DEPTOR: variants seen among roughly 807,000 people sequenced by gnomAD.
DEPTOR encodes DEP domain-containing mTOR-interacting protein.
In DEPTOR, 41 loss-of-function variants were observed where a neutral mutation model predicts 41.6. That is an observed-to-expected ratio of 0.98 (90% CI 0.77 to 1.28). The LOEUF is 1.28. Ranked by LOEUF, DEPTOR falls within the 50% of genes most tolerant of loss-of-function variation. DEPTOR has a pLI of 0.00. For synonymous variants in DEPTOR, 195 were observed against 192.3 expected, an observed-to-expected ratio of 1.01 and a Z score of -0.12; for missense variants, 514 against 527.9, an observed-to-expected ratio of 0.97 and a Z score of 0.26.
rs769960283 is a variant in DEPTOR, at chr8:119,923,893, C to CT, written c.123-4495dup. On this transcript the variant is annotated intron_variant, in intron 1 of 8. Coordinates refer to ENST00000286234, the MANE Select transcript of DEPTOR (RefSeq NM_022783.4). ...TTTTCCTTTCTTTTCTTTTTTCTTT[C>CT]TTTTTTTTTTTTGGTATTATTTTTG... Among the ~76,000 whole-genome samples the CT allele has an allele frequency of 2.0e-3, 206 of 104,978 alleles. 3 individuals are homozygous for CT. Among genetic ancestry groups the CT allele is most frequent in the Middle Eastern group, 7.0e-3 (1 of 142 alleles). 68.9% of individuals were successfully genotyped at this position (104,978 alleles called of 152,430 possible).
intron 8 of DEPTOR, among the ~76,000 whole-genome samples, chr8:120,034,831 A>G (rs1265090186): frequency 6.6e-6 from 1 of 152,138 alleles, no homozygotes; most frequent in Non-Finnish European, 1.5e-5. Flanking sequence ...CCTTTTTGGC[A>G]TAATCCGGAA....
chr8:119,909,467 G>A (rs371830856), intron 1 of DEPTOR, among the ~76,000 whole-genome samples: 1 of 152,140 alleles, frequency 6.6e-6, no homozygotes, highest in Non-Finnish European at 1.5e-5. Flanking sequence ...CTTTATATAG[G>A]CATCAGCAGG....
At chr8:120,027,477 G>A (rs941725923) in intron 8 of DEPTOR, among the ~76,000 whole-genome samples, 1 of 151,504 alleles carries the variant, frequency 6.6e-6, no homozygotes, top group Non-Finnish European at 1.5e-5. Flanking sequence ...GGGAGAGGCG[G>A]GTGGATCACC....
intron 8 of DEPTOR, among the ~76,000 whole-genome samples, chr8:120,037,682 G>A (rs982562470): frequency 6.6e-6 from 1 of 152,130 alleles, no homozygotes; most frequent in Non-Finnish European, 1.5e-5. Context: ...TGCCAACAGG[G>A]GGAGAGAACT....
Position 120,049,829 on chromosome 8 carries a change from T to A in DEPTOR, c.*125T>A, listed in dbSNP as rs1813209427. ...TGGACATACGAGTCTTCTCCGCACA[T>A]ACATGTCTAAAGTTGAGTTTTATAC... On this transcript the variant is annotated 3_prime_UTR_variant, in exon 9 of 9. Transcript: ENST00000286234. The A allele has an allele frequency of 7.2e-6, 9 of 1,250,450 alleles. No individual in the cohort carries two copies. Among genetic ancestry groups the A allele is most frequent in the Non-Finnish European group, 9.8e-6 (9 of 920,314 alleles). The allele number at this position is 1,250,450 out of a possible 1,614,324, so 77.5% of individuals were successfully genotyped here.
chr8:119,876,717 G>A (rs999130886), intron 1 of DEPTOR, among the ~76,000 whole-genome samples: 5 of 151,950 alleles, frequency 3.3e-5, no homozygotes, highest in Admixed American at 2.6e-4. Context: ...GATGAGTTGC[G>A]CTTAGGGTAG....
intron 4 of DEPTOR, among the ~76,000 whole-genome samples, chr8:119,994,844 C>T (rs192640688): frequency 1.0e-3 from 148 of 146,546 alleles, no homozygotes; most frequent in African/African-American, 3.2e-3. Flanking sequence ...TTGAACTCAG[C>T]GGGTGGAGGT....
intron 4 of DEPTOR, among the ~76,000 whole-genome samples, chr8:119,969,350 GT>G (rs779368330): frequency 5.7e-5 from 8 of 139,164 alleles, no homozygotes; most frequent in South Asian, 2.3e-4. Context: ...AATCTGTTTT[GT>G]TTTTTTTTGT....
At chr8:119,903,954 T>G (rs1377860303) in intron 1 of DEPTOR, among the ~76,000 whole-genome samples, 2 of 152,128 alleles carry the variant, frequency 1.3e-5, no homozygotes, top group Non-Finnish European at 2.9e-5. Context: ...ACCTCCCTTC[T>G]GTAAATGTTA....
chr8:120,006,892 G>T lies in DEPTOR; in HGVS notation c.996+17G>T, dbSNP rs1185828716. On this transcript the variant is annotated intron_variant, in intron 7 of 8. Coordinates refer to ENST00000286234, the MANE Select transcript of DEPTOR (RefSeq NM_022783.4). ...ACATTCACGGTAGGCTGATGGTCTG[G>T]CCTTTTTCTCCCGTGCTGCCCATTT... 1 of 1,613,956 alleles carries T rather than the reference G, an allele frequency of 6.2e-7. No homozygotes were observed. The highest frequency in any genetic ancestry group is 1.1e-5 in the South Asian group (1 of 91,066).
chr8:119,929,803 A>G lies in DEPTOR; in HGVS notation c.302-12A>G. ...TTTTCTCATTTGCTTCTCTGTGCAT[A>G]TTGTGTTTCAGTGTGTGATGAGCAT... On this transcript the variant is annotated splice_polypyrimidine_tract_variant and intron_variant, in intron 2 of 8. Coordinates refer to ENST00000286234, the MANE Select transcript of DEPTOR (RefSeq NM_022783.4). 6.3e-7 allele frequency: 1 copy of G among 1,598,000 alleles called. No individual in the cohort carries two copies. The highest frequency in any genetic ancestry group is 1.7e-4 in the Middle Eastern group (1 of 5,998).
intron 4 of DEPTOR, among the ~76,000 whole-genome samples, chr8:119,979,333 G>C (rs184343925): frequency 2.0e-5 from 3 of 151,978 alleles, no homozygotes; most frequent in Admixed American, 2.0e-4. Context: ...CTGGAGTGCA[G>C]TGGCATGATC....
At chr8:119,924,483 G>A (rs1827938741) in intron 1 of DEPTOR, among the ~76,000 whole-genome samples, 1 of 152,016 alleles carries the variant, frequency 6.6e-6, no homozygotes, top group Non-Finnish European at 1.5e-5. Flanking sequence ...AGGCTTCTGG[G>A]TGGTGAGAGT....
chr8:119,965,195 A>G (rs776626805), intron 3 of DEPTOR, 37 bp from the exon 4 acceptor site: 3 of 1,583,070 alleles, frequency 1.9e-6, no homozygotes, highest in Non-Finnish European at 2.6e-6. Flanking sequence ...TTCCTTTCGT[A>G]TAGGTTTACT....
chr8:120,003,035 C>A lies in DEPTOR; in HGVS notation c.849C>A (p.Ser283Arg). The A allele has an allele frequency of 6.2e-7, 1 of 1,609,398 alleles. No homozygotes were observed. The highest frequency in any genetic ancestry group is 8.5e-7 in the Non-Finnish European group (1 of 1,178,542). Residue 283 changes from serine (S) to arginine (R), a missense_variant, in exon 6 of 9, where the codon AGC becomes AGA. Coordinates refer to ENST00000286234, the MANE Select transcript of DEPTOR (RefSeq NM_022783.4). The stretch of plus-strand genomic sequence containing the variant: ...CAGTGAGGAGAAGCAGCATGAGCAG[C>A]TGTGGCAGCAGCGGCTACTTCAGCA... ...VSAVRRSSMS[S>R]CGSSGYFSSS... is the part of the protein sequence containing the mutation.
At chr8:119,948,716 C>A (rs1456894782) in intron 3 of DEPTOR, among the ~76,000 whole-genome samples, 1 of 152,062 alleles carries the variant, frequency 6.6e-6, no homozygotes, top group Non-Finnish European at 1.5e-5. Context: ...CCTTCATCTA[C>A]CCCCTCATCC....
intron 4 of DEPTOR, among the ~76,000 whole-genome samples, chr8:119,999,901 G>A (rs971000177): frequency 2.0e-5 from 3 of 152,136 alleles, no homozygotes; most frequent in Admixed American, 6.6e-5. Context: ...AAATCTCTAC[G>A]TGTGATAAAA....
At chr8:119,938,098 G>C (rs1303665476) in intron 3 of DEPTOR, among the ~76,000 whole-genome samples, 4 of 152,150 alleles carry the variant, frequency 2.6e-5, no homozygotes, top group Non-Finnish European at 5.9e-5. Flanking sequence ...AAAGAAATCT[G>C]AGAGACCCAT....
intron 1 of DEPTOR, among the ~76,000 whole-genome samples, chr8:119,876,386 C>A (rs1827231537): frequency 6.6e-6 from 1 of 152,072 alleles, no homozygotes; most frequent in Non-Finnish European, 1.5e-5. Context: ...GCCCGTAATC[C>A]TGGCCCTTTG....
Sources: gnomAD v4.1 joint callset for allele counts (sites outside exome capture counted in the v4.1 genomes callset) on GRCh38, gnomAD v4.1.1 for gene constraint, MANE v1.5 for transcripts, NCBI Gene and HGNC (gene_info 2026-07-23, HGNC 2026-07-21) for gene names.